PCDH15: variants seen among roughly 807,000 people sequenced by gnomAD.
PCDH15 encodes protocadherin related 15.
Under a neutral mutation model 178.5 loss-of-function variants are expected in PCDH15, and 129 were observed. The ratio of observed to expected loss-of-function variants is 0.72; its 90% CI spans 0.63 to 0.84. The LOEUF is 0.84. PCDH15 is among the 40% of genes least tolerant of loss of function. The probability of loss-of-function intolerance (pLI) is 0.00; values close to 1 mark genes in which losing one functional copy is unlikely to be tolerated. For missense variants in PCDH15, 2,230 were observed against 2,099.9 expected, an observed-to-expected ratio of 1.06 and a Z score of -1.21; for synonymous variants, 800 against 732.0, an observed-to-expected ratio of 1.09 and a Z score of -1.50.
chr10:55,458,629 C>A (rs1429488300), intron 2 of PCDH15, among the ~76,000 whole-genome samples: 2 of 151,904 alleles, frequency 1.3e-5, no homozygotes, highest in African/African-American at 4.8e-5. Context: ...AAAATATAAA[C>A]TTGGTATTTT....
intron 2 of PCDH15, chr10:55,600,134 G>A (rs1040155909): frequency 2.9e-6 from 1 of 340,196 alleles, no homozygotes; most frequent in Non-Finnish European, 5.3e-6. Context: ...GGAGGCCGAG[G>A]TGGGTGGATC....
At position 53,831,300 on chromosome 10, in the gene PCDH15, T is replaced by C. The variant is rs761566345; in HGVS notation, c.4202+15A>G. The C allele has an allele frequency of 1.2e-6, 2 of 1,612,090 alleles. No homozygotes were observed. Among genetic ancestry groups the C allele is most frequent in the East Asian group, 2.2e-5 (1 of 44,862 alleles). ...TCTGAGGAACTATCCAGGTTTACCA[T>C]CCTTGAATACTTACTGTCTGTAGCT... On this transcript the variant is annotated intron_variant, in intron 30 of 37. Coordinates refer to ENST00000644397, the MANE Select transcript of PCDH15 (RefSeq NM_001384140.1).
At chr10:53,847,768 T>C (rs2078071382) in intron 28 of PCDH15, among the ~76,000 whole-genome samples, 1 of 152,092 alleles carries the variant, frequency 6.6e-6, no homozygotes, top group African/African-American at 2.4e-5. Flanking sequence ...TGTAATTACT[T>C]ACTCTTACTC....
chr10:55,381,607 G>A (rs1022328631), intron 2 of PCDH15, among the ~76,000 whole-genome samples: 4 of 152,100 alleles, frequency 2.6e-5, no homozygotes, highest in Admixed American at 6.6e-5. Flanking sequence ...TGATGGGAAG[G>A]GGTGGAAGGT....
At chr10:55,046,683 C>A (rs1019858492) in intron 2 of PCDH15, among the ~76,000 whole-genome samples, 3 of 151,934 alleles carry the variant, frequency 2.0e-5, no homozygotes, top group Admixed American at 2.0e-4. Context: ...TGACAAAAGG[C>A]AGATGAGGAA....
chr10:55,310,926 T>C (rs565201112), intron 1 of PCDH15, among the ~76,000 whole-genome samples: 1 of 152,126 alleles, frequency 6.6e-6, no homozygotes, highest in Non-Finnish European at 1.5e-5. Context: ...CTAATGTAGA[T>C]GACAGGTTGA....
intron 21 of PCDH15, among the ~76,000 whole-genome samples, chr10:53,991,980 A>C (rs975701640): frequency 6.6e-5 from 10 of 152,062 alleles, no homozygotes; most frequent in African/African-American, 2.4e-4. Flanking sequence ...CACCCTGTGG[A>C]AGCGTTGTTC....
At chr10:54,021,213 T>C (rs181929250) in intron 19 of PCDH15, among the ~76,000 whole-genome samples, 1 of 152,166 alleles carries the variant, frequency 6.6e-6, no homozygotes, top group East Asian at 1.9e-4. Flanking sequence ...AATGGCTATT[T>C]CACTCAGCAG....
At chr10:53,826,576 T>A (rs1238263763) in intron 32 of PCDH15, among the ~76,000 whole-genome samples, 1 of 152,040 alleles carries the variant, frequency 6.6e-6, no homozygotes, top group East Asian at 1.9e-4. Flanking sequence ...GTTTTACATA[T>A]CATGTCCAAA....
chr10:54,372,924 C>CA (rs1395856459), intron 4 of PCDH15, among the ~76,000 whole-genome samples: 1 of 150,648 alleles, frequency 6.6e-6, no homozygotes, highest in Non-Finnish European at 1.5e-5. Context: ...TATATATCAA[C>CA]AATTAAAGGA....
chr10:54,960,040 T>C (rs575774221), intron 2 of PCDH15, among the ~76,000 whole-genome samples: 17 of 152,278 alleles, frequency 1.1e-4, no homozygotes, highest in Admixed American at 9.2e-4. Flanking sequence ...TGACTCAAAT[T>C]TGAAGCGTCC....
chr10:54,845,814 C>T (rs1030554053), intron 3 of PCDH15, among the ~76,000 whole-genome samples: 10 of 151,974 alleles, frequency 6.6e-5, no homozygotes, highest in African/African-American at 2.2e-4. Flanking sequence ...CTTTAACATG[C>T]AATTTTTTTG....
chr10:54,631,550 G>C (rs1281420071), intron 2 of PCDH15, among the ~76,000 whole-genome samples: 2 of 152,004 alleles, frequency 1.3e-5, no homozygotes, highest in East Asian at 3.9e-4. Flanking sequence ...TACGTGACTA[G>C]GGATACACAC....
At chr10:55,231,865 T>A (rs1841235755) in intron 1 of PCDH15, among the ~76,000 whole-genome samples, 1 of 152,006 alleles carries the variant, frequency 6.6e-6, no homozygotes, top group Admixed American at 6.5e-5. Context: ...GCTTACTTTT[T>A]CTTTTTTCTG....
intron 3 of PCDH15, among the ~76,000 whole-genome samples, chr10:54,852,366 A>G (rs767475481): frequency 2.4e-4 from 37 of 152,162 alleles, no homozygotes; most frequent in Non-Finnish European, 3.7e-4. Flanking sequence ...AGACACAAAC[A>G]TAAAGTGATT....
intron 2 of PCDH15, among the ~76,000 whole-genome samples, chr10:55,589,005 C>A (rs1199869652): frequency 1.4e-5 from 2 of 146,892 alleles, no homozygotes; most frequent in East Asian, 4.0e-4. Context: ...TGCTTGAACC[C>A]AGGAGGTGGA....
At chr10:53,849,351 T>A (rs1311668321) in intron 28 of PCDH15, among the ~76,000 whole-genome samples, 2 of 152,118 alleles carry the variant, frequency 1.3e-5, no homozygotes, top group African/African-American at 4.8e-5. Flanking sequence ...GTATATATAT[T>A]TTTTCCAAAC....
At chr10:53,869,987 C>A (rs1267134743) in intron 26 of PCDH15, among the ~76,000 whole-genome samples, 7 of 152,054 alleles carry the variant, frequency 4.6e-5, no homozygotes, top group Non-Finnish European at 5.9e-5. Context: ...ATTCTAAGCC[C>A]TTATATTTAA....
In PCDH15 at chr10:54,028,632, T is replaced by C. The variant is rs1202474509; in HGVS notation, c.2221-5435A>G. ...CATAAAAAATGATGAGTTCATGTCCTTTGTAGGGACATGGATGAAATTGGA... is the reference window on the plus strand; with the variant it reads ...CATAAAAAATGATGAGTTCATGTCCCTTGTAGGGACATGGATGAAATTGGA... On this transcript the variant is annotated intron_variant, in intron 18 of 37. Transcript: ENST00000644397. Among the ~76,000 whole-genome samples the C allele has an allele frequency of 3.4e-5, 5 of 148,782 alleles. No homozygotes were observed. In the East Asian group the frequency reaches 6.0e-4, roughly 18 times the overall value.
Sources: gnomAD v4.1 joint callset for allele counts (sites outside exome capture counted in the v4.1 genomes callset) on GRCh38, gnomAD v4.1.1 for gene constraint, MANE v1.5 for transcripts, NCBI Gene and HGNC (gene_info 2026-07-23, HGNC 2026-07-21) for gene names.